Variants in PKD1 observed in about 807,000 individuals in gnomAD.
PKD1 encodes polycystin 1, transient receptor potential channel interacting, also known as polycystin-1.
PKD1 carries 81 observed loss-of-function variants against 361.7 expected under a neutral mutation model. The ratio of observed to expected loss-of-function variants is 0.22; its 90% CI spans 0.19 to 0.27. The LOEUF (loss-of-function observed/expected upper bound fraction) is 0.27. Ranked by LOEUF, PKD1 falls within the 10% of genes least tolerant of loss-of-function variation. PKD1 has a pLI of 1.00. For synonymous variants in PKD1, 3,615 were observed against 2,818.3 expected, an observed-to-expected ratio of 1.28 and a Z score of -8.95; for missense variants, 6,399 against 6,118.3, an observed-to-expected ratio of 1.05 and a Z score of -1.53.
rs780451430 is a variant in PKD1, at chr16:2,097,872, G to C, written c.10163C>G (p.Ala3388Gly). The C allele has an allele frequency of 5.6e-6, 9 of 1,605,120 alleles. No homozygotes were observed. The Admixed American group carries it at 1.0e-4, about 18-fold the overall frequency. ...SSFLTFSGLH[A>G]EQAFVGQMKS... is the part of the protein sequence containing the mutation. ...GACCCCCAGTAGAGTCCTCACCTCA[G>C]CGTGGAGGCCTGAGAACGTGAGGAA... The change falls in exon 31 of 46, where the codon GCT (alanine) becomes GGT (glycine). Residue 3388 changes from alanine to glycine, a missense_variant. Physicochemically the swap from Ala to Gly is moderately conservative, Grantham distance 60. Coordinates refer to ENST00000262304, the MANE Select transcript of PKD1 (RefSeq NM_001009944.3).
intron 30 of PKD1, chr16:2,098,215 C>T (rs1189628193): frequency 2.2e-5 from 13 of 590,330 alleles, no homozygotes; most frequent in Admixed American, 1.2e-4. Flanking sequence ...TTTTAAATTT[C>T]ATATTTTCTT....
Position 2,090,515 on chromosome 16 carries a change from A to G in PKD1, c.12214T>C (p.Ser4072Pro), listed in dbSNP as rs986708737. ...LLVLCPGTGLSTLCPAESWHL... is the reference protein window; with the variant it reads ...LLVLCPGTGLPTLCPAESWHL... Reference sequence around the variant, plus strand: ...CAGGACTCGGCAGGACACAGGGTAGAGAGCCCAGTCCCAGGGCACAGCACC... The same window carrying G: ...CAGGACTCGGCAGGACACAGGGTAGGGAGCCCAGTCCCAGGGCACAGCACC... Residue 4072 changes from serine (S) to proline (P), a missense_variant, in exon 45 of 46, where the codon TCT becomes CCT. Coordinates refer to ENST00000262304, the MANE Select transcript of PKD1 (RefSeq NM_001009944.3). The G allele has an allele frequency of 1.9e-6, 3 of 1,611,208 alleles. No individual in the cohort carries two copies. The highest frequency in any genetic ancestry group is 1.7e-4 in the Middle Eastern group (1 of 6,034).
intron 5 of PKD1, 42 bp downstream of exon 5, chr16:2,117,749 G>C (rs2092663923): frequency 8.5e-7 from 1 of 1,171,326 alleles, no homozygotes; most frequent in African/African-American, 1.5e-5. Context: ...GCCCCATCTG[G>C]ATGGCCCTGG....
At position 2,090,761 on chromosome 16, in the gene PKD1, C is replaced by T. The variant is rs151044657; in HGVS notation, c.12051G>A (p.Lys4017=). Residue 4017 remains lysine, a synonymous_variant, in exon 44 of 46, where the codon AAG becomes AAA. Coordinates refer to ENST00000262304, the MANE Select transcript of PKD1 (RefSeq NM_001009944.3). ...RFVRQWSVFG[K]TLCRALPELL... is the part of the protein sequence containing the mutation. Reference sequence around the variant, plus strand: ...GCTCTGGCAGAGCTCGGCATAATGTCTTGCCAAAGACGGACCACTGGCGCA... The same window carrying T: ...GCTCTGGCAGAGCTCGGCATAATGTTTTGCCAAAGACGGACCACTGGCGCA... The T allele has an allele frequency of 1.2e-6, 2 of 1,612,694 alleles. No individual in the cohort carries two copies. The highest frequency in any genetic ancestry group is 1.7e-6 in the Non-Finnish European group (2 of 1,179,966).
At chr16:2,097,677 C>G (rs3895637) in intron 32 of PKD1, 51 bp downstream of exon 32, 1 of 1,610,704 alleles carries the variant, frequency 6.2e-7, no homozygotes, top group African/African-American at 1.3e-5. Flanking sequence ...CCCCCGGCAC[C>G]CCAGACACAG....
Position 2,098,108 on chromosome 16 carries a change from T to C in PKD1, c.10051-124A>G, listed in dbSNP as rs1001641976. 2.3e-5 allele frequency: 15 copies of C among 658,736 alleles called. No homozygotes were observed. In the African/African-American group the frequency reaches 2.3e-4, roughly 10 times the overall value. 40.8% of individuals were successfully genotyped at this position (658,736 alleles called of 1,614,324 possible). ...CATCTGACAGAATGTCCTAGAATGC[T>C]GGATATATGGGACATCTGCACCGTC... On this transcript the variant is annotated intron_variant, in intron 30 of 45. Coordinates refer to ENST00000262304, the MANE Select transcript of PKD1 (RefSeq NM_001009944.3).
At position 2,088,894 on chromosome 16, in the gene PKD1, C is replaced by CACACAG. The variant is rs2091282349; in HGVS notation, c.*827_*832dup. The CACACAG allele has an allele frequency of 2.3e-6, 1 of 432,150 alleles. No individual in the cohort carries two copies. Among genetic ancestry groups the CACACAG allele is most frequent in the African/African-American group, 2.0e-5 (1 of 50,262 alleles). The allele number at this position is 432,150 out of a possible 1,614,324, so 26.8% of individuals were successfully genotyped here. ...GCGTGCGCGCGCGCACACACACACACACACAGTCACCTTCCTCCACCCTGG... is the reference window on the plus strand; with the variant it reads ...GCGTGCGCGCGCGCACACACACACACACACAGACACAGTCACCTTCCTCCACCCTGG... On this transcript the variant is annotated 3_prime_UTR_variant, in exon 46 of 46. Coordinates refer to ENST00000262304, the MANE Select transcript of PKD1 (RefSeq NM_001009944.3).
chr16:2,112,304 G>C (rs781189343), intron 14 of PKD1, 36 bp downstream of exon 14: 3 of 1,566,338 alleles, frequency 1.9e-6, no homozygotes, highest in Non-Finnish European at 2.6e-6. Context: ...CTCAGAGCCT[G>C]AAAGGCAGTG....
chr16:2,097,093 T>C, intron 34 of PKD1, 55 bp downstream of exon 34: 1 of 789,312 alleles, frequency 1.3e-6, no homozygotes. Context: ...CTGCCTGGCC[T>C]GAGTCCCGGC....
In PKD1 at chr16:2,116,952, A is replaced by G; in HGVS notation, c.1487T>C (p.Leu496Pro). Residue 496 changes from leucine to proline, a missense_variant, in exon 7 of 46, where the codon CTG becomes CCG. Coordinates refer to ENST00000262304, the MANE Select transcript of PKD1 (RefSeq NM_001009944.3). Reference sequence around the variant, plus strand: ...TGTGGCTGGGTGTGGCTCCCCGGGCAGCCAGTTCTGGCAGCTCTCCAGGCT... The same window carrying G: ...TGTGGCTGGGTGTGGCTCCCCGGGCGGCCAGTTCTGGCAGCTCTCCAGGCT... Reference protein sequence around the residue: ...AFSLESCQNWLPGEPHPATAE... With the variant: ...AFSLESCQNWPPGEPHPATAE... 1 of 1,511,848 alleles carries G rather than the reference A, an allele frequency of 6.6e-7. No individual in the cohort carries two copies. Among genetic ancestry groups the G allele is most frequent in the East Asian group, 2.4e-5 (1 of 42,110 alleles). 93.7% of individuals were successfully genotyped at this position (1,511,848 alleles called of 1,614,324 possible). A position where few individuals can be genotyped will look rare whatever the true frequency, so the allele number is the denominator to read the frequency against.
At chr16:2,115,925 A>G (rs2151817630) in intron 9 of PKD1, 67 bp downstream of exon 9, 2 of 1,521,408 alleles carry the variant, frequency 1.3e-6, no homozygotes, top group South Asian at 1.2e-5. Flanking sequence ...GCAGACGTGA[A>G]AGCTCAGAGA....
chr16:2,112,503 A>G (rs760734950), intron 13 of PKD1, 30 bp from the exon 14 acceptor site: 19 of 1,549,698 alleles, frequency 1.2e-5, no homozygotes, highest in African/African-American at 5.4e-5. Context: ...CAGTGAGTGA[A>G]CCGGGACAGG....
At chr16:2,131,849 C>G (rs2092885162) in intron 1 of PKD1, 1 of 152,124 alleles carries the variant, frequency 6.6e-6, no homozygotes, top group African/African-American at 2.4e-5. Context: ...AAGACATCAG[C>G]TAGCTGGTCC....
chr16:2,125,269 T>C (rs1596610861), intron 1 of PKD1, among the ~76,000 whole-genome samples: 1 of 150,230 alleles, frequency 6.7e-6, no homozygotes, highest in Admixed American at 6.6e-5. Context: ...ACCACTTCCA[T>C]GGGGAGGGCC....
rs2092425464 is a variant in PKD1, at chr16:2,108,758, C to T, written c.6409G>A (p.Ala2137Thr). 6 of 1,570,266 alleles carry T rather than the reference C, an allele frequency of 3.8e-6. No individual in the cohort carries two copies. Among genetic ancestry groups the T allele is most frequent in the Non-Finnish European group, 5.2e-6 (6 of 1,159,080 alleles). Residue 2137 changes from alanine (A) to threonine (T), a missense_variant, in exon 15 of 46, where the codon GCC becomes ACC. Ala to Thr is a moderately conservative substitution (Grantham distance 58, BLOSUM62 0). Coordinates refer to ENST00000262304, the MANE Select transcript of PKD1 (RefSeq NM_001009944.3). ...SNLVSFFVAQ[A>T]TVTVQVLACR... ...GCCAGCACCTGGACGGTCACCGTGG[C>T]CTGCGCCACGAAGAAGCTCACCAGG...
At position 2,119,290 on chromosome 16, in the gene PKD1, G is replaced by C. The variant is rs1243738891; in HGVS notation, c.287+17C>G. Reference sequence around the variant, plus strand: ...CGGAGTGAGCCCCGCATGCTGGCACGACTGGGGGACACTCACAGCTCTGCC... The same window carrying C: ...CGGAGTGAGCCCCGCATGCTGGCACCACTGGGGGACACTCACAGCTCTGCC... On this transcript the variant is annotated intron_variant, in intron 2 of 45. Coordinates refer to ENST00000262304, the MANE Select transcript of PKD1 (RefSeq NM_001009944.3). 2 of 1,090,100 alleles carry C rather than the reference G, an allele frequency of 1.8e-6. No homozygotes were observed. Among genetic ancestry groups the C allele is most frequent in the African/African-American group, 1.6e-5 (1 of 64,430 alleles). The allele number at this position is 1,090,100 out of a possible 1,614,324, so 67.5% of individuals were successfully genotyped here.
At position 2,091,435 on chromosome 16, in the gene PKD1, A is replaced by T; in HGVS notation, c.11700T>A (p.Pro3900=). ...GGGACGGGCGTACCGAGGTGAGCAG[A>T]GGCAGCGAGAGGCCCGCGCTGAGGC... The part of the protein sequence containing the change: ...LRRLSAGLSL[P]LLTSVCLLLF... Residue 3900 remains proline, a synonymous_variant, in exon 42 of 46, where the codon CCT becomes CCA. Transcript: ENST00000262304. The T allele has an allele frequency of 2.5e-6, 3 of 1,185,464 alleles. No homozygotes were observed. Among genetic ancestry groups the T allele is most frequent in the Non-Finnish European group, 3.1e-6 (3 of 956,450 alleles). The allele number at this position is 1,185,464 out of a possible 1,614,324, so 73.4% of individuals were successfully genotyped here. A position where few individuals can be genotyped will look rare whatever the true frequency, so the allele number is the denominator to read the frequency against.
chr16:2,106,136 A>G lies in PKD1; in HGVS notation c.7658T>C (p.Val2553Ala). Residue 2553 changes from valine to alanine, a missense_variant, in exon 19 of 46, where the codon GTG becomes GCG. Transcript: ENST00000262304. The surrounding 1 kb of genome is among the most constrained non-coding windows in gnomAD (Gnocchi z 6.5). The stretch of plus-strand genomic sequence containing the variant: ...GGCTCCCAGCTGGTCCTGCACCACC[A>G]CGGCCAGGCCCACCTCGAAGTGTGG... ...FRPHFEVGLA[V>A]VVQDQLGAAV... 6.2e-7 allele frequency: 1 copy of G among 1,606,122 alleles called. No homozygotes were observed. The highest frequency in any genetic ancestry group is 8.5e-7 in the Non-Finnish European group (1 of 1,177,546).
Position 2,097,936 on chromosome 16 carries a change from T to C in PKD1, c.10099A>G (p.Ile3367Val), listed in dbSNP as rs773989174. 98 of 1,603,950 alleles carry C rather than the reference T, an allele frequency of 6.1e-5. No individual in the cohort carries two copies. The highest frequency in any genetic ancestry group is 6.7e-5 in the African/African-American group (5 of 74,712). ...PTPAGQQVLDIDSCLDSSVLD... is the reference protein window; with the variant it reads ...PTPAGQQVLDVDSCLDSSVLD... ...ACGGACGAGTCCAGGCAGCTGTCGA[T>C]GTCCAGCACCTGCTGCCCGGCAGGT... The change falls in exon 31 of 46, where the codon ATC (isoleucine) becomes GTC (valine). Residue 3367 changes from isoleucine to valine, a missense_variant. Physicochemically the swap from Ile to Val is conservative, Grantham distance 29. Transcript: ENST00000262304.
Sources: gnomAD v4.1 joint callset for allele counts (sites outside exome capture counted in the v4.1 genomes callset) on GRCh38, gnomAD v4.1.1 for gene constraint, Gnocchi (gnomAD v3.1) non-coding constraint, MANE v1.5 for transcripts, NCBI Gene and HGNC (gene_info 2026-07-23, HGNC 2026-07-21) for gene names.